The following GLT1D1 variants were observed in gnomAD, a reference collection of about 807,000 sequenced individuals.
The protein encoded by GLT1D1 is glycosyltransferase 1 domain-containing protein 1.
GLT1D1 carries 21 observed loss-of-function variants against 28.7 expected under a neutral mutation model. That is an observed-to-expected ratio of 0.73 (90% CI 0.52 to 1.05). GLT1D1 has a LOEUF of 1.05. GLT1D1 is among the 50% of genes least tolerant of loss of function. The pLI, the probability that GLT1D1 is intolerant of heterozygous loss-of-function variation, is 0.00. For missense variants in GLT1D1, 343 were observed against 330.6 expected, an observed-to-expected ratio of 1.04 and a Z score of -0.29; for synonymous variants, 147 against 124.8, an observed-to-expected ratio of 1.18 and a Z score of -1.19.
chr12:128,949,622 A>G (rs1275398325), intron 6 of GLT1D1, among the ~76,000 whole-genome samples: 1 of 152,196 alleles, frequency 6.6e-6, no homozygotes, highest in Non-Finnish European at 1.5e-5. Flanking sequence ...AGCGGGGTGA[A>G]CAATTCTACA....
intron 4 of GLT1D1, among the ~76,000 whole-genome samples, chr12:128,905,547 G>A (rs907824996): frequency 2.0e-5 from 3 of 152,198 alleles, no homozygotes; most frequent in Middle Eastern, 3.2e-3. Context: ...CCTATCTCTG[G>A]CTGACCTTCA....
At chr12:128,922,275 A>G (rs1274275763) in intron 4 of GLT1D1, among the ~76,000 whole-genome samples, 7 of 151,996 alleles carry the variant, frequency 4.6e-5, no homozygotes, top group Admixed American at 2.6e-4. Context: ...TGTACTGTAC[A>G]GGTATTATAT....
intron 7 of GLT1D1, among the ~76,000 whole-genome samples, chr12:128,982,338 G>A (rs977333111): frequency 3.9e-5 from 6 of 152,192 alleles, no homozygotes; most frequent in African/African-American, 1.4e-4. Context: ...AGGCCACACA[G>A]CAAAGTGAGG....
At chr12:128,897,760 C>A (rs1171478971) in intron 3 of GLT1D1, among the ~76,000 whole-genome samples, 2 of 152,134 alleles carry the variant, frequency 1.3e-5, no homozygotes, top group African/African-American at 4.8e-5. Context: ...GCTCCGCCTC[C>A]CGGGTTCACA....
At chr12:128,895,323 GTATGGT>G (rs1369506801) in intron 3 of GLT1D1, among the ~76,000 whole-genome samples, 1 of 152,008 alleles carries the variant, frequency 6.6e-6, no homozygotes, top group Non-Finnish European at 1.5e-5. Context: ...ATCACTAGAA[GTATGGT>G]TCTCATTATT....
chr12:128,960,044 T>G (rs1168258232), intron 7 of GLT1D1, among the ~76,000 whole-genome samples: 1 of 152,168 alleles, frequency 6.6e-6, no homozygotes, highest in East Asian at 1.9e-4. Context: ...TGCAAATCAT[T>G]ATCGTGCCGC....
chr12:128,909,727 A>G (rs965190927), intron 4 of GLT1D1, among the ~76,000 whole-genome samples: 2 of 152,248 alleles, frequency 1.3e-5, no homozygotes, highest in African/African-American at 4.8e-5. Context: ...AAAAGGTATC[A>G]GTTAGTCCTT....
Position 128,982,977 on chromosome 12 carries a change from A to C in GLT1D1, c.688A>C (p.Lys230Gln), listed in dbSNP as rs1006248398. 3.3e-5 allele frequency: 54 copies of C among 1,614,018 alleles called. No homozygotes were observed. Among genetic ancestry groups the C allele is most frequent in the Non-Finnish European group, 4.6e-5 (54 of 1,179,978 alleles). The change falls in exon 8 of 8, where the codon AAG (lysine) becomes CAG (glutamine). Residue 230 changes from lysine (K) to glutamine (Q), a missense_variant. Physicochemically the swap from Lys to Gln is moderately conservative, Grantham distance 53. Coordinates refer to ENST00000281703, the MANE Select transcript of GLT1D1 (RefSeq NM_144669.3). The stretch of plus-strand genomic sequence containing the variant: ...ACTGGTTAGTGATCCTGCATTAGAA[A>C]AGGAAATCGTAGTGAACGGAAGGGA...
In GLT1D1 at chr12:128,874,055, CCCTCCTTTCTTTCTTT is replaced by C. The variant is rs1420365278; in HGVS notation, c.69-1857_69-1842del. ...TCCCTCCCTCCCTGCCTCCCTCCCT[CCCTCCTTTCTTTCTTT>C]CTTTCTTTCTTTCTTTCTTTCTTTC... On this transcript the variant is annotated intron_variant, in intron 1 of 7. Transcript: ENST00000281703. Among the ~76,000 whole-genome samples, 30 of 62,966 alleles carry C rather than the reference CCCTCCTTTCTTTCTTT, an allele frequency of 4.8e-4. 3 individuals carry two copies. The highest frequency in any genetic ancestry group is 6.9e-4 in the African/African-American group (9 of 13,106). 41.3% of individuals were successfully genotyped at this position (62,966 alleles called of 152,430 possible).
At chr12:128,921,430 A>C (rs1872644342) in intron 4 of GLT1D1, among the ~76,000 whole-genome samples, 1 of 152,066 alleles carries the variant, frequency 6.6e-6, no homozygotes, top group African/African-American at 2.4e-5. Context: ...GAAATCAAAT[A>C]GAAAACATCG....
chr12:128,962,142 C>T (rs1407248144), intron 7 of GLT1D1, among the ~76,000 whole-genome samples: 1 of 151,972 alleles, frequency 6.6e-6, no homozygotes, highest in Admixed American at 6.6e-5. Flanking sequence ...CTGTCCCCCT[C>T]GGCCTCCTGG....
intron 6 of GLT1D1, 141 bp downstream of exon 10, chr12:128,947,599 T>C (rs1390867937): frequency 2.3e-6 from 2 of 859,962 alleles, no homozygotes; most frequent in Non-Finnish European, 3.7e-6. Flanking sequence ...CCTGTTGGAG[T>C]TCAAAAGTAC....
At chr12:128,925,353 C>T (rs369897895) in intron 4 of GLT1D1, among the ~76,000 whole-genome samples, 33 of 152,286 alleles carry the variant, frequency 2.2e-4, no homozygotes, top group East Asian at 3.9e-4. Context: ...CCCAACCCTC[C>T]GACAGGCCCC....
intron 3 of GLT1D1, among the ~76,000 whole-genome samples, chr12:128,894,720 C>T (rs1306735837): frequency 2.0e-5 from 3 of 151,742 alleles, no homozygotes; most frequent in South Asian, 2.1e-4. Flanking sequence ...CATGGTGGTG[C>T]GTGCCTGTAA....
At chr12:128,936,241 G>A (rs1368459466) in intron 4 of GLT1D1, among the ~76,000 whole-genome samples, 5 of 147,512 alleles carry the variant, frequency 3.4e-5, no homozygotes, top group Non-Finnish European at 7.4e-5. Context: ...TGCAAGCTCC[G>A]CCTCCCGGGT....
intron 4 of GLT1D1, among the ~76,000 whole-genome samples, chr12:128,907,532 C>G (rs1871011599): frequency 6.6e-6 from 1 of 152,182 alleles, no homozygotes; most frequent in Non-Finnish European, 1.5e-5. Context: ...GTCTTGATCT[C>G]CTGATCTTGT....
chr12:128,921,224 G>A (rs1430120721), intron 4 of GLT1D1, among the ~76,000 whole-genome samples: 1 of 151,700 alleles, frequency 6.6e-6, no homozygotes, highest in African/African-American at 2.4e-5. Context: ...AGTAAGACAA[G>A]TCTATAGCCC....
At position 128,876,039 on chromosome 12, in the gene GLT1D1, A is replaced by G. The variant is rs760480575; in HGVS notation, c.194A>G (p.Tyr65Cys). Residue 65 changes from tyrosine (Y) to cysteine (C), a missense_variant, in exon 2 of 8, where the codon TAT becomes TGT. By Grantham distance (194) the Tyr-to-Cys change is radical. Coordinates refer to ENST00000281703, the MANE Select transcript of GLT1D1 (RefSeq NM_144669.3). ...GAGGCTGCCCTGGCTCTTCATCTCT[A>G]TAGGGGAGGCAGGCTTTTGCAAGGT... is the stretch of plus-strand genomic sequence containing the variant. 10 of 1,608,242 alleles carry G rather than the reference A, an allele frequency of 6.2e-6. No homozygotes were observed. Among genetic ancestry groups the G allele is most frequent in the East Asian group, 2.2e-5 (1 of 44,848 alleles).
At chr12:128,888,965 T>C (rs891031662) in intron 3 of GLT1D1, among the ~76,000 whole-genome samples, 4 of 152,186 alleles carry the variant, frequency 2.6e-5, no homozygotes, top group Non-Finnish European at 5.9e-5. Context: ...ACAGTTAATA[T>C]TAGATAAGCC....
Sources: gnomAD v4.1 joint callset for allele counts (sites outside exome capture counted in the v4.1 genomes callset) on GRCh38, gnomAD v4.1.1 for gene constraint, MANE v1.5 for transcripts, NCBI Gene and HGNC (gene_info 2026-07-23, HGNC 2026-07-21) for gene names.